ATP10B: variants seen among roughly 807,000 people sequenced by gnomAD.
ATP10B encodes phospholipid-transporting ATPase VB.
Under a neutral mutation model 141.2 loss-of-function variants are expected in ATP10B, and 122 were observed. The ratio of observed to expected loss-of-function variants is 0.86; its 90% CI spans 0.75 to 1.00. The LOEUF is 1.00. Among genes scored for constraint, ATP10B ranks in the 50% least tolerant of loss-of-function variants. The pLI, the probability that ATP10B is intolerant of heterozygous loss-of-function variation, is 0.00. For missense variants in ATP10B, 1,876 were observed against 1,825.3 expected (o/e 1.03, Z -0.51); for synonymous variants, 685 against 692.0 (o/e 0.99, Z 0.16).
At chr5:160,915,496 TA>T in the ATP10B span, among the ~76,000 whole-genome samples, 2 of 152,084 alleles carry the variant, frequency 1.3e-5, no homozygotes, top group African/African-American at 2.4e-5. Context: ...CACACCCACC[TA>T]ATTTTTGTAT....
At chr5:160,919,202 C>G in the ATP10B span, among the ~76,000 whole-genome samples, 1 of 98,126 alleles carries the variant, frequency 1.0e-5, no homozygotes, top group Non-Finnish European at 1.8e-5. Flanking sequence ...CCAGCCTGGG[C>G]GACAGAGCGA....
the ATP10B span, among the ~76,000 whole-genome samples, chr5:160,920,044 T>C: frequency 1.3e-5 from 2 of 152,198 alleles, no homozygotes; most frequent in East Asian, 3.8e-4. Context: ...TTGTCCTCTG[T>C]ACTGAGATGC....
chr5:160,861,874 A>G, the ATP10B span, among the ~76,000 whole-genome samples: 2 of 151,970 alleles, frequency 1.3e-5, no homozygotes, highest in African/African-American at 2.4e-5. Context: ...AAATAACAAT[A>G]TATCTATTAC....
intron 2 of ATP10B, among the ~76,000 whole-genome samples, chr5:160,752,615 T>G (rs1043821612): frequency 6.6e-6 from 1 of 152,148 alleles, no homozygotes; most frequent in African/African-American, 2.4e-5. Context: ...GATCGTTGGG[T>G]AGAAAGAAGG....
chr5:160,764,307 C>T (rs1017134447), intron 2 of ATP10B, among the ~76,000 whole-genome samples: 5 of 152,030 alleles, frequency 3.3e-5, no homozygotes, highest in Non-Finnish European at 7.4e-5. Flanking sequence ...ACGCAAAAAT[C>T]CTCAACAAAA....
chr5:160,818,113 C>A (rs1317945905), intron 1 of ATP10B, among the ~76,000 whole-genome samples: 2 of 152,050 alleles, frequency 1.3e-5, no homozygotes, highest in Non-Finnish European at 2.9e-5. Context: ...TCTAAAACAC[C>A]AAAAGCAATG....
chr5:160,884,704 ATT>A, the ATP10B span, among the ~76,000 whole-genome samples: 1 of 152,170 alleles, frequency 6.6e-6, no homozygotes, highest in Non-Finnish European at 1.5e-5. Flanking sequence ...TGGAAAAAAT[ATT>A]TTTAAAAAAT....
chr5:160,726,704 G>T (rs992276808), intron 2 of ATP10B, among the ~76,000 whole-genome samples: 1 of 151,726 alleles, frequency 6.6e-6, no homozygotes, highest in African/African-American at 2.4e-5. Context: ...GAGAGATGAA[G>T]AAGAGAAGGC....
chr5:160,790,452 G>T (rs565577889), intron 1 of ATP10B, among the ~76,000 whole-genome samples: 35 of 152,136 alleles, frequency 2.3e-4, no homozygotes, highest in Non-Finnish European at 4.6e-4. Flanking sequence ...ACCAAATTCT[G>T]CCTTAAACCT....
At chr5:160,902,267 C>T in the ATP10B span, among the ~76,000 whole-genome samples, 1 of 152,114 alleles carries the variant, frequency 6.6e-6, no homozygotes, top group African/African-American at 2.4e-5. Flanking sequence ...ATTGGTAATA[C>T]CTCAAATAGA....
rs756663109 is a variant in ATP10B at position 160,615,813 on chromosome 5, A to G, written c.2653+25T>C. ...CAACTGGCTGCATTCCTTTTTTCCTATAATAATGACTTATTTTTAGCTACC... is the reference window on the plus strand; with the variant it reads ...CAACTGGCTGCATTCCTTTTTTCCTGTAATAATGACTTATTTTTAGCTACC... On this transcript the variant is annotated intron_variant, in intron 17 of 25. Coordinates refer to ENST00000327245, the MANE Select transcript of ATP10B (RefSeq NM_025153.3). 7 of 1,602,730 alleles carry G rather than the reference A, an allele frequency of 4.4e-6. No homozygotes were observed. In the South Asian group the frequency reaches 6.6e-5, roughly 15 times the overall value.
At chr5:160,705,718 G>A (rs1764975675) in intron 3 of ATP10B, among the ~76,000 whole-genome samples, 1 of 152,108 alleles carries the variant, frequency 6.6e-6, no homozygotes, top group African/African-American at 2.4e-5. Flanking sequence ...TCAGCAATAA[G>A]GCTGTTTTGC....
intron 1 of ATP10B, among the ~76,000 whole-genome samples, chr5:160,789,176 G>T (rs913270992): frequency 5.9e-5 from 9 of 152,140 alleles, no homozygotes; most frequent in Admixed American, 5.9e-4. Flanking sequence ...AGGCATGTAG[G>T]CTGGGAATTC....
Position 160,636,261 on chromosome 5 carries a change from A to G in ATP10B, c.1049T>C (p.Val350Ala), listed in dbSNP as rs1239869943. Residue 350 changes from valine (V) to alanine (A), a missense_variant, in exon 11 of 26, where the codon GTG (valine) becomes GCG (alanine). Physicochemically the swap from Val to Ala is moderately conservative, Grantham distance 64 (BLOSUM62 0). Transcript: ENST00000327245. ...AAGGAAGCTGCCATTGGCATCTGGC[A>G]CATCGAAGGGAGGGTGTTCTTCAAA... Reference protein sequence around the residue: ...GTFEEHPPFDVPDANGSFLPS... With the variant: ...GTFEEHPPFDAPDANGSFLPS... The G allele has an allele frequency of 1.4e-5, 22 of 1,613,786 alleles. No homozygotes were observed. Among genetic ancestry groups the G allele is most frequent in the Non-Finnish European group, 1.8e-5 (21 of 1,179,812 alleles).
intron 18 of ATP10B, 52 bp from the exon 19 acceptor site, chr5:160,607,138 G>T: frequency 1.4e-6 from 2 of 1,469,252 alleles, no homozygotes; most frequent in Non-Finnish European, 1.9e-6. Context: ...GGAAATGCAT[G>T]TTAACAATTT....
intron 3 of ATP10B, among the ~76,000 whole-genome samples, chr5:160,690,575 C>G (rs951432485): frequency 2.6e-5 from 4 of 152,128 alleles, no homozygotes; most frequent in African/African-American, 9.7e-5. Context: ...CAAAAGACGA[C>G]ATTTATGTGG....
intron 17 of ATP10B, among the ~76,000 whole-genome samples, chr5:160,615,078 C>T (rs1757922049): frequency 6.6e-6 from 1 of 152,186 alleles, no homozygotes; most frequent in Admixed American, 6.5e-5. Flanking sequence ...AGCAATCTAA[C>T]TTCCATGCTG....
chr5:160,925,428 A>C, the ATP10B span, among the ~76,000 whole-genome samples: 2 of 152,218 alleles, frequency 1.3e-5, no homozygotes, highest in Admixed American at 6.5e-5. Context: ...GTAGACGGGG[A>C]AACTGAAACA....
chr5:160,791,312 A>C (rs1052065213), intron 1 of ATP10B, among the ~76,000 whole-genome samples: 2 of 152,114 alleles, frequency 1.3e-5, no homozygotes, highest in Non-Finnish European at 2.9e-5. Flanking sequence ...CAGCAATAGG[A>C]AATTAATATG....
Sources: gnomAD v4.1 joint callset for allele counts (sites outside exome capture counted in the v4.1 genomes callset) on GRCh38, gnomAD v4.1.1 for gene constraint, MANE v1.5 for transcripts, NCBI Gene and HGNC (gene_info 2026-07-23, HGNC 2026-07-21) for gene names.